Variants in PPP2CA observed in about 807,000 individuals in gnomAD.
PPP2CA encodes the protein protein phosphatase 2 catalytic subunit alpha, also known as serine/threonine-protein phosphatase 2A catalytic subunit alpha isoform.
A neutral mutation model predicts 38.8 loss-of-function variants in PPP2CA; 5 were observed. That is an observed-to-expected ratio of 0.13 (90% CI 0.07 to 0.27). The LOEUF (loss-of-function observed/expected upper bound fraction) is 0.27, where lower values mean the gene tolerates loss of function less well. Ranked by LOEUF, PPP2CA falls within the 10% of genes least tolerant of loss-of-function variation. PPP2CA has a pLI of 1.00. For synonymous variants in PPP2CA, 152 were observed against 134.0 expected, an observed-to-expected ratio of 1.13 and a Z score of -0.93; for missense variants, 88 against 389.7, an observed-to-expected ratio of 0.23 and a Z score of 6.52.
chr5:134,204,935 A>AT lies in PPP2CA; in HGVS notation c.312+986dup, dbSNP rs1190999573. Among the ~76,000 whole-genome samples the AT allele has an allele frequency of 3.1e-4, 22 of 70,178 alleles. No individual in the cohort carries two copies. In the South Asian group the frequency reaches 3.9e-3, roughly 12 times the overall value. The allele number at this position is 70,178 out of a possible 152,430, so 46.0% of individuals were successfully genotyped here. On this transcript the variant is annotated intron_variant, in intron 2 of 6. Transcript: ENST00000481195. ...TTTTTTTTCTTGAACTTCTTCCTCGATATTTTTTTTTTTTTTTGAGACAGG... is the reference window on the plus strand; with the variant it reads ...TTTTTTTTCTTGAACTTCTTCCTCGATTATTTTTTTTTTTTTTTGAGACAGG...
chr5:134,219,354 C>A (rs1424297138), intron 1 of PPP2CA, among the ~76,000 whole-genome samples: 2 of 152,224 alleles, frequency 1.3e-5, no homozygotes, highest in Non-Finnish European at 2.9e-5. Flanking sequence ...CACTGTCACA[C>A]GATAGCATCA....
intron 2 of PPP2CA, among the ~76,000 whole-genome samples, chr5:134,204,734 A>G (rs745468774): frequency 1.2e-4 from 19 of 152,154 alleles, no homozygotes; most frequent in Non-Finnish European, 2.6e-4. Flanking sequence ...AAGTGTTGAG[A>G]TAACAGGCGT....
rs532872154 is a variant in PPP2CA at position 134,195,119 on chromosome 5, G to A, written c.*2653C>T. 1.1e-3 allele frequency: 170 copies of A among 152,228 alleles called. No individual in the cohort carries two copies. Among genetic ancestry groups the A allele is most frequent in the African/African-American group, 3.4e-3 (142 of 41,524 alleles). The allele number at this position is 152,228 out of a possible 1,614,324, so 9.4% of individuals were successfully genotyped here. On this transcript the variant is annotated 3_prime_UTR_variant, in exon 7 of 7. Coordinates refer to ENST00000481195, the MANE Select transcript of PPP2CA (RefSeq NM_002715.4). ...GAAATACCGACTACAACCAACAAAT[G>A]TTTAATATGCAGCAAATGAAAAAAT...
rs1371686389 is a variant in PPP2CA, at chr5:134,196,995, A to G, written c.*777T>C. On this transcript the variant is annotated 3_prime_UTR_variant, in exon 7 of 7. Coordinates refer to ENST00000481195, the MANE Select transcript of PPP2CA (RefSeq NM_002715.4). ...AGTGCCCTTGATTTTTATTTTACCT[A>G]CAAGTCTACAAATTCTAAAATTTAC... is the stretch of plus-strand genomic sequence containing the variant. 1.3e-5 allele frequency: 2 copies of G among 152,656 alleles called. No individual in the cohort carries two copies. The highest frequency in any genetic ancestry group is 1.9e-4 in the East Asian group (1 of 5,204). 9.5% of individuals were successfully genotyped at this position (152,656 alleles called of 1,614,324 possible).
chr5:134,200,827 A>T (rs1761954386), intron 4 of PPP2CA, 158 bp downstream of exon 4: 1 of 681,474 alleles, frequency 1.5e-6, no homozygotes, highest in Non-Finnish European at 2.5e-6. Context: ...CAGGTTTCTT[A>T]ATGTCAGCTT....
intron 1 of PPP2CA, among the ~76,000 whole-genome samples, chr5:134,220,409 A>C (rs1347727736): frequency 7.1e-6 from 1 of 140,636 alleles, no homozygotes; most frequent in Non-Finnish European, 1.5e-5. Context: ...CAGTGAGCCG[A>C]GATCACACCA....
At chr5:134,213,602 G>T (rs939626739) in intron 1 of PPP2CA, among the ~76,000 whole-genome samples, 1 of 151,928 alleles carries the variant, frequency 6.6e-6, no homozygotes, top group African/African-American at 2.4e-5. Flanking sequence ...CCTGGGCAAT[G>T]TGGCGAGACC....
rs1000225862 is a variant in PPP2CA, at chr5:134,196,674, CAATAT to C, written c.*1093_*1097del. 2 of 152,144 alleles carry C rather than the reference CAATAT, an allele frequency of 1.3e-5. No individual in the cohort carries two copies. Among genetic ancestry groups the C allele is most frequent in the Non-Finnish European group, 2.9e-5 (2 of 68,022 alleles). The allele number at this position is 152,144 out of a possible 1,614,324, so 9.4% of individuals were successfully genotyped here. A position where few individuals can be genotyped will look rare whatever the true frequency, so the allele number is the denominator to read the frequency against. On this transcript the variant is annotated 3_prime_UTR_variant, in exon 7 of 7. Coordinates refer to ENST00000481195, the MANE Select transcript of PPP2CA (RefSeq NM_002715.4). ...AAGAGTCCATATAATATACACATAG[CAATAT>C]AATATTCATAACCAGAAACTGCACT...
At chr5:134,210,237 C>A (rs1019282271) in intron 1 of PPP2CA, among the ~76,000 whole-genome samples, 4 of 152,182 alleles carry the variant, frequency 2.6e-5, no homozygotes, top group African/African-American at 7.2e-5. Flanking sequence ...AGACCTTTAG[C>A]AACCATCATT....
intron 4 of PPP2CA, 116 bp downstream of exon 4, chr5:134,200,869 A>T: frequency 1.2e-6 from 1 of 851,670 alleles, no homozygotes; most frequent in Non-Finnish European, 1.9e-6. Context: ...AAGAGTGCTC[A>T]CACCTCAAGT....
chr5:134,201,155 T>TAACC, intron 3 of PPP2CA, 81 bp from the exon 4 acceptor site: 1 of 1,074,664 alleles, frequency 9.3e-7, no homozygotes, highest in Non-Finnish European at 1.4e-6. Flanking sequence ...CTCATGCCTG[T>TAACC]AACCCCAGCA....
intron 1 of PPP2CA, among the ~76,000 whole-genome samples, chr5:134,217,492 TA>T (rs1762346447): frequency 6.6e-6 from 1 of 152,216 alleles, no homozygotes; most frequent in African/African-American, 2.4e-5. Flanking sequence ...TCTTAATAAG[TA>T]AAATTACTAA....
chr5:134,206,907 G>A (rs1046398037), intron 1 of PPP2CA, among the ~76,000 whole-genome samples: 3 of 152,208 alleles, frequency 2.0e-5, no homozygotes, highest in African/African-American at 7.2e-5. Context: ...GTAGAGGGGA[G>A]AAGGACCACA....
At chr5:134,200,287 C>T in intron 5 of PPP2CA, 48 bp downstream of exon 5, 1 of 1,542,998 alleles carries the variant, frequency 6.5e-7, no homozygotes, top group Non-Finnish European at 8.7e-7. Flanking sequence ...ATCTTCTTTC[C>T]TTAAGTTTAC....
At chr5:134,206,629 C>A (rs1046680836) in intron 1 of PPP2CA, among the ~76,000 whole-genome samples, 1 of 152,128 alleles carries the variant, frequency 6.6e-6, no homozygotes, top group African/African-American at 2.4e-5. Context: ...GTGGGGACCA[C>A]AGGCACACGC....
intron 1 of PPP2CA, among the ~76,000 whole-genome samples, chr5:134,207,129 C>T (rs982385271): frequency 2.0e-5 from 3 of 152,216 alleles, no homozygotes; most frequent in Admixed American, 1.3e-4. Flanking sequence ...CCCAGCCAGG[C>T]GCGGTGGCTC....
chr5:134,198,030 G>T (rs1049093108), intron 6 of PPP2CA, among the ~76,000 whole-genome samples, 186 bp from the exon 7 acceptor site: 3 of 152,164 alleles, frequency 2.0e-5, no homozygotes, highest in African/African-American at 7.2e-5. Flanking sequence ...GGCAACTTCA[G>T]CCACAGAGAC....
chr5:134,202,098 A>C, intron 2 of PPP2CA, 77 bp from the exon 3 acceptor site: 1 of 1,420,038 alleles, frequency 7.0e-7, no homozygotes, highest in Non-Finnish European at 9.4e-7. Flanking sequence ...TTTCTATAGA[A>C]AAAAATGCAG....
intron 1 of PPP2CA, among the ~76,000 whole-genome samples, chr5:134,210,238 A>C (rs901052723): frequency 6.6e-6 from 1 of 152,226 alleles, no homozygotes; most frequent in Non-Finnish European, 1.5e-5. Context: ...GACCTTTAGC[A>C]ACCATCATTT....
Sources: gnomAD v4.1 joint callset for allele counts (sites outside exome capture counted in the v4.1 genomes callset) on GRCh38, gnomAD v4.1.1 for gene constraint, MANE v1.5 for transcripts, NCBI Gene and HGNC (gene_info 2026-07-23, HGNC 2026-07-21) for gene names.